Variants in CDC42BPA observed in about 807,000 individuals in gnomAD.
The protein encoded by CDC42BPA is serine/threonine-protein kinase MRCK alpha.
In CDC42BPA, 80 loss-of-function variants were observed where a neutral mutation model predicts 223.5. The ratio of observed to expected loss-of-function variants is 0.36; its 90% confidence interval spans 0.30 to 0.43. CDC42BPA has a LOEUF of 0.43. Ranked by LOEUF, CDC42BPA falls within the 20% of genes least tolerant of loss-of-function variation. The probability of loss-of-function intolerance (pLI) is 1.00; values close to 1 mark genes in which losing one functional copy is unlikely to be tolerated. For synonymous variants in CDC42BPA, 694 were observed against 718.6 expected (o/e 0.97, Z 0.55); for missense variants, 1,743 against 2,099.9 (o/e 0.83, Z 3.32).
chr1:227,145,568 TC>T lies in CDC42BPA; in HGVS notation c.1063del (p.Glu355LysfsTer19). Reference protein sequence around the residue: ...GIDWDNIRNCEAPYIPEVSSP... With the variant: ...GIDWDNIRNCXAPYIPEVSSP... ...ACTAACTTCTGGAATATAAGGTGCT[TC>T]ACAGTTCCGAATATTATCCCAATCA... is the stretch of plus-strand genomic sequence containing the variant. On this transcript the variant is annotated frameshift_variant, in exon 8 of 37. Transcript: ENST00000366766. LOFTEE classifies it high-confidence loss of function. 1 of 1,613,570 alleles carries T rather than the reference TC, an allele frequency of 6.2e-7. No homozygotes were observed. Among genetic ancestry groups the T allele is most frequent in the Non-Finnish European group, 8.5e-7 (1 of 1,179,576 alleles).
At chr1:227,231,393 T>C (rs1479626458) in intron 2 of CDC42BPA, among the ~76,000 whole-genome samples, 2 of 152,098 alleles carry the variant, frequency 1.3e-5, no homozygotes, top group South Asian at 2.1e-4. Flanking sequence ...TCATGGACAT[T>C]TGGGTTGGCT....
At chr1:227,230,814 TTC>T (rs1489545561) in intron 2 of CDC42BPA, among the ~76,000 whole-genome samples, 7 of 51,492 alleles carry the variant, frequency 1.4e-4, no homozygotes, top group East Asian at 1.3e-3. Context: ...TCTTTTTTCT[TTC>T]TTTCTTTTTT....
intron 1 of CDC42BPA, among the ~76,000 whole-genome samples, chr1:227,273,992 C>A (rs1239817631): frequency 6.7e-5 from 2 of 29,936 alleles, no homozygotes; most frequent in African/African-American, 1.3e-4. Context: ...TATTCGTATA[C>A]ACCAAAAAAA....
intron 5 of CDC42BPA, among the ~76,000 whole-genome samples, chr1:227,161,440 T>A (rs1266347567): frequency 6.6e-6 from 1 of 152,326 alleles, no homozygotes; most frequent in South Asian, 2.1e-4. Flanking sequence ...GGAGAACCTA[T>A]ATATTTTTTA....
intron 17 of CDC42BPA, among the ~76,000 whole-genome samples, chr1:227,079,596 G>C (rs1558447619): frequency 6.6e-6 from 1 of 152,116 alleles, no homozygotes; most frequent in African/African-American, 2.4e-5. Flanking sequence ...ATGCAGACTT[G>C]ATGATATAGA....
intron 21 of CDC42BPA, among the ~76,000 whole-genome samples, chr1:227,064,864 G>A (rs577852889): frequency 9.2e-5 from 14 of 152,102 alleles, no homozygotes; most frequent in African/African-American, 2.7e-4. Context: ...TTGGGAGGCC[G>A]AGGTGGGCAG....
At chr1:227,283,017 AT>A (rs1014140568) in intron 1 of CDC42BPA, among the ~76,000 whole-genome samples, 40 of 152,312 alleles carry the variant, frequency 2.6e-4, no homozygotes, top group African/African-American at 9.1e-4. Context: ...TTTTAACACA[AT>A]TTTTTAAATA....
chr1:227,303,197 CT>C (rs373369435), intron 1 of CDC42BPA, among the ~76,000 whole-genome samples: 1 of 152,136 alleles, frequency 6.6e-6, no homozygotes, highest in Non-Finnish European at 1.5e-5. Flanking sequence ...GTGAAACCCC[CT>C]GATAACAAAT....
chr1:227,058,875 TAA>T (rs59841633), intron 21 of CDC42BPA, among the ~76,000 whole-genome samples: 42,491 of 146,922 alleles, frequency 0.29, 6,148 homozygotes, highest in African/African-American at 0.35. Flanking sequence ...TGAACTACAT[TAA>T]AAAAAAAAAA....
At chr1:227,175,434 A>AATAT (rs148230832) in intron 5 of CDC42BPA, among the ~76,000 whole-genome samples, 14 of 150,618 alleles carry the variant, frequency 9.3e-5, no homozygotes, top group Non-Finnish European at 1.5e-4. Context: ...GTCTAATTTA[A>AATAT]ATATATATAT....
chr1:227,134,806 A>G (rs891168575), intron 10 of CDC42BPA, among the ~76,000 whole-genome samples: 1 of 152,344 alleles, frequency 6.6e-6, no homozygotes, highest in South Asian at 2.1e-4. Flanking sequence ...TAAAAATACC[A>G]AGAACAAATT....
chr1:227,220,309 TATACACAC>T lies in CDC42BPA; in HGVS notation c.271-7098_271-7091del, dbSNP rs1484847154. 2.2e-3 allele frequency among the ~76,000 whole-genome samples: 163 copies of T among 75,380 alleles called. 3 individuals are homozygous for T. In the East Asian group the frequency reaches 0.037, roughly 17 times the overall value. 49.5% of individuals were successfully genotyped at this position (75,380 alleles called of 152,430 possible). A position where few individuals can be genotyped will look rare whatever the true frequency, so the allele number is the denominator to read the frequency against. ...ATATATATATATATATATATATATATATACACACACACACACACATACATATATGGATA... is the reference window on the plus strand; with the variant it reads ...ATATATATATATATATATATATATATACACACACACATACATATATGGATA... On this transcript the variant is annotated intron_variant, in intron 2 of 36. Coordinates refer to ENST00000366766, the MANE Select transcript of CDC42BPA (RefSeq NM_001394014.1).
rs1424398550 is a variant in CDC42BPA, at chr1:227,318,324, TGAG to T, written c.-1145_-1143del. On this transcript the variant is annotated 5_prime_UTR_variant, in exon 1 of 37. Coordinates refer to ENST00000366766, the MANE Select transcript of CDC42BPA (RefSeq NM_001394014.1). ...CAGGAGGAGGGGTCGCTTCCGCGGCTGAGGAGACTAGAGGCTGCGGCAGCCCGG... is the reference window on the plus strand; with the variant it reads ...CAGGAGGAGGGGTCGCTTCCGCGGCTGAGACTAGAGGCTGCGGCAGCCCGG... 1 of 152,684 alleles carries T rather than the reference TGAG, an allele frequency of 6.5e-6. No individual in the cohort carries two copies. Among genetic ancestry groups the T allele is most frequent in the Non-Finnish European group, 1.5e-5 (1 of 68,686 alleles). 9.5% of individuals were successfully genotyped at this position (152,684 alleles called of 1,614,324 possible). A position where few individuals can be genotyped will look rare whatever the true frequency, so the allele number is the denominator to read the frequency against.
intron 1 of CDC42BPA, among the ~76,000 whole-genome samples, chr1:227,278,309 A>G (rs1687458919): frequency 6.6e-6 from 1 of 152,212 alleles, no homozygotes; most frequent in African/African-American, 2.4e-5. Context: ...AACCTATTTC[A>G]GATTGCGTAT....
chr1:227,237,536 G>C (rs957848184), intron 2 of CDC42BPA, among the ~76,000 whole-genome samples: 2 of 152,144 alleles, frequency 1.3e-5, no homozygotes, highest in Non-Finnish European at 2.9e-5. Flanking sequence ...GAACTTTCTT[G>C]ACTGCAGCTA....
intron 10 of CDC42BPA, among the ~76,000 whole-genome samples, chr1:227,138,597 A>C (rs1427239924): frequency 6.6e-6 from 1 of 151,820 alleles, no homozygotes; most frequent in Non-Finnish European, 1.5e-5. Flanking sequence ...ATAGGTTAAA[A>C]GGTGAAGACA....
At chr1:227,264,648 C>G in intron 1 of CDC42BPA, 2 of 541,540 alleles carry the variant, frequency 3.7e-6, no homozygotes, top group Non-Finnish European at 6.7e-6. Context: ...TAATGTTGCC[C>G]TAAGTTTTAC....
intron 10 of CDC42BPA, among the ~76,000 whole-genome samples, chr1:227,133,223 GC>G (rs1380864641): frequency 1.3e-5 from 2 of 148,342 alleles, no homozygotes; most frequent in African/African-American, 2.5e-5. Context: ...GGGGGGGTCA[GC>G]CCCCCGCCCG....
chr1:227,151,972 C>T (rs933303834), intron 6 of CDC42BPA, among the ~76,000 whole-genome samples: 4 of 151,222 alleles, frequency 2.6e-5, no homozygotes, highest in South Asian at 2.1e-4. Flanking sequence ...ATAAGTGAGC[C>T]GAGATCACGC....
Sources: allele counts gnomAD v4.1 joint callset (sites outside exome capture counted in the v4.1 genomes callset), GRCh38; gene constraint gnomAD v4.1.1; transcripts MANE v1.5; gene names NCBI Gene and HGNC (gene_info 2026-07-23, HGNC 2026-07-21).